NLGN4X: variants seen among roughly 807,000 people sequenced by gnomAD.
The protein encoded by NLGN4X is neuroligin-4, X-linked.
In NLGN4X, 3 loss-of-function variants were observed where a neutral mutation model predicts 40.3. The ratio of observed to expected loss-of-function variants is 0.07; its 90% CI spans 0.03 to 0.19. The LOEUF is 0.19. NLGN4X is among the 10% of genes least tolerant of loss of function. NLGN4X has a pLI of 1.00. For synonymous variants in NLGN4X, 270 were observed against 306.8 expected (o/e 0.88, Z 1.25); for missense variants, 382 against 708.3 (o/e 0.54, Z 5.23).
intron 3 of NLGN4X, among the ~76,000 whole-genome samples, chrX:5,990,640 A>T (rs2035656414): frequency 1.8e-5 from 2 of 111,514 alleles, no homozygotes; most frequent in Non-Finnish European, 3.8e-5. Flanking sequence ...TATTCAACTA[A>T]TTTTTTTTGT....
intron 3 of NLGN4X, among the ~76,000 whole-genome samples, chrX:5,997,592 A>G (rs867328917): frequency 4.2e-5 from 2 of 47,287 alleles, no homozygotes; most frequent in African/African-American, 9.4e-5. Context: ...GTGTGTATAT[A>G]TATATACACA....
At chrX:5,899,562 G>C (rs2031721490) in intron 5 of NLGN4X, among the ~76,000 whole-genome samples, 1 of 111,694 alleles carries the variant, frequency 9.0e-6, no homozygotes, top group Non-Finnish European at 1.9e-5. Flanking sequence ...GATCATTGTG[G>C]TATTCTCTTC....
intron 3 of NLGN4X, among the ~76,000 whole-genome samples, chrX:5,989,080 A>AAT (rs761276668): frequency 0.13 from 13,169 of 105,010 alleles, 697 homozygotes; most frequent in East Asian, 0.26. Flanking sequence ...AAAAATAAAA[A>AAT]AAATAAAAAA....
chrX:6,025,732 C>T (rs1398170471), intron 3 of NLGN4X, among the ~76,000 whole-genome samples: 1 of 109,631 alleles, frequency 9.1e-6, no homozygotes, highest in African/African-American at 3.3e-5. Flanking sequence ...GGCAAAACCC[C>T]GTCTCTACTA....
intron 3 of NLGN4X, among the ~76,000 whole-genome samples, chrX:5,988,822 T>G (rs2035599144): frequency 8.9e-6 from 1 of 112,103 alleles, no homozygotes; most frequent in Non-Finnish European, 1.9e-5. Context: ...CCCAGCACTT[T>G]GGGAGGCCAA....
intron 1 of NLGN4X, among the ~76,000 whole-genome samples, chrX:6,160,268 A>G (rs1373255426): frequency 2.7e-5 from 3 of 111,876 alleles, no homozygotes; most frequent in African/African-American, 9.8e-5. Context: ...CCACAAATAT[A>G]TACACCTACT....
At chrX:6,080,112 G>GAA (rs201004365) in intron 2 of NLGN4X, among the ~76,000 whole-genome samples, 5 of 63,432 alleles carry the variant, frequency 7.9e-5, no homozygotes, top group East Asian at 4.9e-4. Flanking sequence ...CTAGAAACCA[G>GAA]AAAAAAAAAA....
Position 6,042,682 on chromosome X carries a change from GTT to G in NLGN4X, c.473-13252_473-13251del, listed in dbSNP as rs2037189656. ...TTAAAAACCTAACATACCCATAGAG[GTT>G]TTATATATATATATATATATATATA... On this transcript the variant is annotated intron_variant, in intron 2 of 5. Coordinates refer to ENST00000381095, the MANE Select transcript of NLGN4X (RefSeq NM_181332.3). Among the ~76,000 whole-genome samples, 12 of 22,953 alleles carry G rather than the reference GTT, an allele frequency of 5.2e-4. No individual in the cohort carries two copies. The South Asian group carries it at 9.6e-3, about 18-fold the overall frequency. The allele number at this position is 22,953 out of a possible 115,157, so 19.9% of individuals were successfully genotyped here.
intron 2 of NLGN4X, among the ~76,000 whole-genome samples, chrX:6,106,889 T>A (rs2147512932): frequency 8.9e-6 from 1 of 112,138 alleles, no homozygotes; most frequent in South Asian, 3.7e-4. Flanking sequence ...TCCCTACAAG[T>A]GGAAGGCTAG....
At chrX:6,125,203 C>T (rs767704530) in intron 2 of NLGN4X, among the ~76,000 whole-genome samples, 3 of 111,790 alleles carry the variant, frequency 2.7e-5, no homozygotes, top group East Asian at 5.6e-4. Flanking sequence ...TGGAAATAAA[C>T]GAGCCATGGA....
intron 2 of NLGN4X, among the ~76,000 whole-genome samples, chrX:6,079,144 G>GT (rs1170707426): frequency 9.0e-6 from 1 of 111,540 alleles, no homozygotes; most frequent in Non-Finnish European, 1.9e-5. Flanking sequence ...TTATAGCAGT[G>GT]TAAGAATAGA....
intron 3 of NLGN4X, among the ~76,000 whole-genome samples, chrX:5,919,230 A>AAG (rs769484904): frequency 9.1e-6 from 1 of 109,316 alleles, no homozygotes; most frequent in Non-Finnish European, 1.9e-5. Context: ...CCTCCTGGGC[A>AAG]ATATATATAT....
At chrX:6,061,342 C>T in intron 2 of NLGN4X, among the ~76,000 whole-genome samples, 1 of 110,329 alleles carries the variant, frequency 9.1e-6, no homozygotes, top group East Asian at 2.9e-4. Context: ...TGATTGATAA[C>T]ACCACGCCTC....
At chrX:6,103,405 TAA>T (rs2038961355) in intron 2 of NLGN4X, among the ~76,000 whole-genome samples, 1 of 111,611 alleles carries the variant, frequency 9.0e-6, no homozygotes, top group African/African-American at 3.3e-5. Context: ...TTTTAGAGGG[TAA>T]AAAATACAAC....
chrX:6,153,385 T>C (rs183251963), intron 1 of NLGN4X, among the ~76,000 whole-genome samples: 129 of 111,967 alleles, frequency 1.2e-3, no homozygotes, highest in Admixed American at 1.8e-3. Context: ...CAATGACTGA[T>C]TTAGGTGTTT....
intron 3 of NLGN4X, among the ~76,000 whole-genome samples, chrX:5,935,724 T>C: frequency 9.0e-6 from 1 of 111,665 alleles, no homozygotes; most frequent in Non-Finnish European, 1.9e-5. Flanking sequence ...GGTATAACCA[T>C]CGGGTGAGGT....
rs564533222 is a variant in NLGN4X at position 6,119,569 on chromosome X, G to A, written c.472+31426C>T. On this transcript the variant is annotated intron_variant, in intron 2 of 5. Transcript: ENST00000381095. ...GAAAAGAAACAGACAACAGCCTGGG[G>A]GTTGGAGACACAATAGGGAGCGGTG... is the stretch of plus-strand genomic sequence containing the variant. 2.5e-4 allele frequency among the ~76,000 whole-genome samples: 28 copies of A among 111,271 alleles called. No homozygotes were observed. In the South Asian group the frequency reaches 0.01, roughly 41 times the overall value.
rs966708756 is a variant in NLGN4X at position 5,890,537 on chromosome X, C to T, written c.*2280G>A. The T allele has an allele frequency of 1.3e-4, 40 of 318,317 alleles. No individual in the cohort carries two copies. The highest frequency in any genetic ancestry group is 8.0e-4 in the African/African-American group (30 of 37,283). The allele number at this position is 318,317 out of a possible 1,213,427, so 26.2% of individuals were successfully genotyped here. On this transcript the variant is annotated 3_prime_UTR_variant, in exon 6 of 6. Coordinates refer to ENST00000381095, the MANE Select transcript of NLGN4X (RefSeq NM_181332.3). ...TACTGGAATTCACATTACAGACAGA[C>T]GAAACCAACATGGATGCCACACATA...
At chrX:5,915,064 T>C (rs972025811) in intron 3 of NLGN4X, among the ~76,000 whole-genome samples, 1 of 112,638 alleles carries the variant, frequency 8.9e-6, no homozygotes, top group Non-Finnish European at 1.9e-5. Context: ...TGAAATTCAG[T>C]GCCTTTTATT....
Sources: gnomAD v4.1 joint callset for allele counts (sites outside exome capture counted in the v4.1 genomes callset) on GRCh38, gnomAD v4.1.1 for gene constraint, MANE v1.5 for transcripts, NCBI Gene and HGNC (gene_info 2026-07-23, HGNC 2026-07-21) for gene names.